RANBP2: variants seen among roughly 807,000 people sequenced by gnomAD.
The protein encoded by RANBP2 is RAN binding protein 2.
In RANBP2, 57 loss-of-function variants were observed where a neutral mutation model predicts 303.6. That is an observed-to-expected ratio of 0.19 (90% CI 0.15 to 0.23). RANBP2 has a LOEUF of 0.23. Among genes scored for constraint, RANBP2 ranks in the 10% least tolerant of loss-of-function variants. The probability of loss-of-function intolerance (pLI) is 1.00; values close to 1 mark genes in which losing one functional copy is unlikely to be tolerated. For missense variants in RANBP2, 3,138 were observed against 3,780.8 expected, an observed-to-expected ratio of 0.83 and a Z score of 4.46; for synonymous variants, 1,167 against 1,301.5, an observed-to-expected ratio of 0.90 and a Z score of 2.23.
chr2:109,490,874 C>T, the RANBP2 span: 1 of 1,532,896 alleles, frequency 6.5e-7, no homozygotes, highest in Non-Finnish European at 8.7e-7. Flanking sequence ...CATCTCCTTC[C>T]CGGCAAGCTC....
the RANBP2 span, among the ~76,000 whole-genome samples, chr2:109,716,345 G>A: frequency 4.0e-4 from 61 of 151,166 alleles, 2 homozygotes; most frequent in Middle Eastern, 3.5e-3. Flanking sequence ...TCTGCCTCCC[G>A]GGTTCAAGCA....
At chr2:109,505,998 G>A in the RANBP2 span, among the ~76,000 whole-genome samples, 17 of 152,184 alleles carry the variant, frequency 1.1e-4, no homozygotes, top group East Asian at 7.7e-4. Context: ...GCCTGGTGCC[G>A]TTTTACATTC....
At chr2:108,743,572 CCTGA>C (rs1163995752) in intron 7 of RANBP2, among the ~76,000 whole-genome samples, 8 of 152,212 alleles carry the variant, frequency 5.3e-5, no homozygotes, top group African/African-American at 1.9e-4. Flanking sequence ...AGCCACCACA[CCTGA>C]CTGTGAACTT....
At chr2:108,959,464 C>T in the RANBP2 span, among the ~76,000 whole-genome samples, 1 of 152,232 alleles carries the variant, frequency 6.6e-6, no homozygotes, top group Non-Finnish European at 1.5e-5. Flanking sequence ...CTGGGTCTTT[C>T]ATGAGCAGAA....
chr2:109,242,743 G>A, the RANBP2 span, among the ~76,000 whole-genome samples: 3 of 152,224 alleles, frequency 2.0e-5, no homozygotes, highest in Non-Finnish European at 4.4e-5. Flanking sequence ...CCACAGCTGG[G>A]CCTTGATCTT....
intron 21 of RANBP2, 34 bp downstream of exon 21, chr2:108,771,905 C>T (rs1677529818): frequency 1.2e-6 from 2 of 1,612,604 alleles, no homozygotes; most frequent in African/African-American, 1.3e-5. Flanking sequence ...ATCCTCTGTT[C>T]CCGCTAATCT....
At chr2:109,199,333 TGGA>T in the RANBP2 span, among the ~76,000 whole-genome samples, 3 of 168 alleles carry the variant, frequency 0.018, no homozygotes, top group Non-Finnish European at 0.12. Flanking sequence ...AAAAGTAAAA[TGGA>T]ATGGAATGGA....
the RANBP2 span, among the ~76,000 whole-genome samples, chr2:109,586,954 A>T: frequency 6.6e-6 from 1 of 152,200 alleles, no homozygotes; most frequent in Non-Finnish European, 1.5e-5. Flanking sequence ...AACAGAATCT[A>T]GCATCTCTAC....
the RANBP2 span, among the ~76,000 whole-genome samples, chr2:108,909,498 T>A: frequency 7.1e-6 from 1 of 140,766 alleles, no homozygotes; most frequent in African/African-American, 2.6e-5. Flanking sequence ...ACCTCTGCTC[T>A]TCCTGTAACC....
At chr2:109,328,339 C>A in the RANBP2 span, among the ~76,000 whole-genome samples, 3 of 152,256 alleles carry the variant, frequency 2.0e-5, no homozygotes, top group African/African-American at 7.2e-5. Flanking sequence ...CACCTATTTC[C>A]TTCATGCCAT....
downstream of RANBP2, chr2:108,786,781 T>G: frequency 6.5e-7 from 1 of 1,536,000 alleles, no homozygotes; most frequent in South Asian, 1.2e-5. Flanking sequence ...GCGGGTTTGA[T>G]GAACGCGGTT....
chr2:109,751,312 ACT>A, the RANBP2 span, among the ~76,000 whole-genome samples: 8 of 79,742 alleles, frequency 1.0e-4, no homozygotes, highest in African/African-American at 3.2e-4. Context: ...TGACCCATAG[ACT>A]CTCTTCAAAA....
the RANBP2 span, among the ~76,000 whole-genome samples, chr2:109,670,844 G>T: frequency 6.6e-6 from 1 of 151,786 alleles, no homozygotes; most frequent in African/African-American, 2.4e-5. Context: ...ACCACACTTC[G>T]GTTTGGGGGT....
At chr2:109,108,717 G>A in the RANBP2 span, among the ~76,000 whole-genome samples, 1 of 152,238 alleles carries the variant, frequency 6.6e-6, no homozygotes, top group African/African-American at 2.4e-5. Flanking sequence ...CACCAGAACA[G>A]AGCACATAGG....
the RANBP2 span, among the ~76,000 whole-genome samples, chr2:109,666,056 A>T: frequency 6.6e-6 from 1 of 151,972 alleles, no homozygotes; most frequent in Non-Finnish European, 1.5e-5. Context: ...GGTTGCAGTG[A>T]GCCAAGATCA....
chr2:109,492,553 C>G, the RANBP2 span, among the ~76,000 whole-genome samples: 14 of 152,178 alleles, frequency 9.2e-5, no homozygotes, highest in Admixed American at 7.2e-4. Context: ...TTCTATGTTT[C>G]CCCAAGCGCT....
At chr2:109,395,697 G>A in the RANBP2 span, among the ~76,000 whole-genome samples, 55 of 152,356 alleles carry the variant, frequency 3.6e-4, 2 homozygotes, top group East Asian at 8.5e-3. Flanking sequence ...TCGGGGACAC[G>A]TGCTGGTGGC....
At chr2:109,598,027 G>A in the RANBP2 span, among the ~76,000 whole-genome samples, 1 of 152,170 alleles carries the variant, frequency 6.6e-6, no homozygotes, top group South Asian at 2.1e-4. Context: ...TGAGCCTCAG[G>A]AAACAGAATC....
chr2:109,078,096 A>ATATATATATATATATATGGCG, the RANBP2 span, among the ~76,000 whole-genome samples: 7 of 54,652 alleles, frequency 1.3e-4, no homozygotes, highest in African/African-American at 5.3e-4. Flanking sequence ...ATATATATAT[A>ATATATATATATATATATGGCG]TATATATATA....
Sources: gnomAD v4.1 joint callset for allele counts (sites outside exome capture counted in the v4.1 genomes callset) on GRCh38, gnomAD v4.1.1 for gene constraint, MANE v1.5 for transcripts, NCBI Gene and HGNC (gene_info 2026-07-23, HGNC 2026-07-21) for gene names.